Variants in ROBO2 observed in about 807,000 individuals in gnomAD.
The protein encoded by ROBO2 is roundabout homolog 2.
A neutral mutation model predicts 160.8 loss-of-function variants in ROBO2; 53 were observed. The observed-to-expected ratio is 0.33, with a 90% CI of 0.26 to 0.41. ROBO2 has a LOEUF of 0.41. Ranked by LOEUF, ROBO2 falls within the 10% of genes least tolerant of loss-of-function variation. ROBO2 has a pLI of 1.00. For synonymous variants in ROBO2, 664 were observed against 611.7 expected (o/e 1.09, Z -1.26); for missense variants, 1,577 against 1,722.4 (o/e 0.92, Z 1.49).
chr3:77,093,322 AT>A (rs1265214627), intron 1 of ROBO2, among the ~76,000 whole-genome samples: 1 of 152,108 alleles, frequency 6.6e-6, no homozygotes, highest in African/African-American at 2.4e-5. Context: ...GAGCTGTTTC[AT>A]GGCACTTCCT....
At chr3:77,021,625 T>C (rs1041909623) in intron 2 of ROBO2, among the ~76,000 whole-genome samples, 2 of 152,200 alleles carry the variant, frequency 1.3e-5, no homozygotes, top group Non-Finnish European at 2.9e-5. Flanking sequence ...CTTGTTTCAA[T>C]GTCCCTTCCA....
At chr3:77,231,379 A>G (rs1268779421) in intron 2 of ROBO2, among the ~76,000 whole-genome samples, 4 of 151,290 alleles carry the variant, frequency 2.6e-5, no homozygotes, top group African/African-American at 9.7e-5. Flanking sequence ...AAAAAAAAAA[A>G]AAAAAAGACA....
At chr3:76,367,560 G>A (rs558266320) in intron 2 of ROBO2, among the ~76,000 whole-genome samples, 3 of 151,878 alleles carry the variant, frequency 2.0e-5, no homozygotes, top group African/African-American at 7.2e-5. Flanking sequence ...CACACTCAAT[G>A]TTATTTAAGT....
intron 2 of ROBO2, among the ~76,000 whole-genome samples, chr3:76,703,858 T>C (rs1269358021): frequency 6.6e-6 from 1 of 152,172 alleles, no homozygotes; most frequent in Non-Finnish European, 1.5e-5. Context: ...GAATGATTTA[T>C]AATCCTTTGG....
At chr3:77,067,275 G>C (rs1288712875) in intron 1 of ROBO2, among the ~76,000 whole-genome samples, 1 of 152,168 alleles carries the variant, frequency 6.6e-6, no homozygotes, top group Non-Finnish European at 1.5e-5. Flanking sequence ...GTAATTTATA[G>C]TGAGTGAGCA....
At chr3:76,708,722 T>C (rs2093224092) in intron 2 of ROBO2, among the ~76,000 whole-genome samples, 1 of 152,156 alleles carries the variant, frequency 6.6e-6, no homozygotes, top group African/African-American at 2.4e-5. Context: ...AGTAATAAAA[T>C]TGTGTTCACG....
intron 2 of ROBO2, among the ~76,000 whole-genome samples, chr3:77,354,524 G>A (rs781698579): frequency 2.6e-5 from 4 of 152,076 alleles, no homozygotes; most frequent in Non-Finnish European, 5.9e-5. Flanking sequence ...GGCACCTCTG[G>A]GAAACCAAAG....
intron 24 of ROBO2, among the ~76,000 whole-genome samples, chr3:77,635,635 T>G (rs1052683163): frequency 5.3e-5 from 8 of 152,196 alleles, no homozygotes; most frequent in Admixed American, 1.3e-4. Flanking sequence ...TGTTGTACCT[T>G]TTTTGTTTAA....
Position 76,011,025 on chromosome 3 carries a change from TTTTATTG to T in ROBO2, c.109+73427_109+73433del, listed in dbSNP as rs1247106557. Among the ~76,000 whole-genome samples, 3 of 152,146 alleles carry T rather than the reference TTTTATTG, an allele frequency of 2.0e-5. No individual in the cohort carries two copies. In the East Asian group the frequency reaches 5.8e-4, roughly 29 times the overall value. ...CCAGATAGCTTAACTTCAAAATGCA[TTTTATTG>T]TTTTTTAACCTTGGGTTTCAAGATA... On this transcript the variant is annotated intron_variant, in intron 2 of 26. Coordinates refer to the ROBO2 transcript ENST00000487694.
At chr3:75,995,382 G>A (rs2065695894) in intron 2 of ROBO2, among the ~76,000 whole-genome samples, 1 of 152,162 alleles carries the variant, frequency 6.6e-6, no homozygotes, top group South Asian at 2.1e-4. Flanking sequence ...TTCAGAGGGT[G>A]CAAGCCCCAG....
intron 2 of ROBO2, among the ~76,000 whole-genome samples, chr3:76,727,710 G>A (rs2093575041): frequency 1.3e-5 from 2 of 152,118 alleles, no homozygotes. Context: ...GGGAGGTAGA[G>A]AGTAGAATGC....
chr3:77,466,648 G>A (rs558955327), intron 2 of ROBO2, among the ~76,000 whole-genome samples: 96 of 152,258 alleles, frequency 6.3e-4, no homozygotes, highest in Middle Eastern at 6.8e-3. Flanking sequence ...GGGTAGAGGG[G>A]AAAGAAAAGA....
intron 2 of ROBO2, among the ~76,000 whole-genome samples, chr3:76,654,746 C>T (rs1363558695): frequency 6.6e-6 from 1 of 151,666 alleles, no homozygotes; most frequent in Non-Finnish European, 1.5e-5. Context: ...TAGAGAATTA[C>T]CAGAGATCTA....
intron 2 of ROBO2, among the ~76,000 whole-genome samples, chr3:76,704,658 T>C (rs1233036510): frequency 2.0e-5 from 3 of 152,104 alleles, no homozygotes; most frequent in East Asian, 1.9e-4. Flanking sequence ...CTACTGCAGA[T>C]TGGGCTCTGC....
At chr3:77,061,197 C>G (rs1234521391) in intron 1 of ROBO2, among the ~76,000 whole-genome samples, 1 of 152,124 alleles carries the variant, frequency 6.6e-6, no homozygotes, top group East Asian at 1.9e-4. Flanking sequence ...CATGTACATA[C>G]AGACGGAAGC....
intron 1 of ROBO2, among the ~76,000 whole-genome samples, chr3:77,042,039 A>T (rs2064151315): frequency 6.6e-6 from 1 of 152,192 alleles, no homozygotes; most frequent in African/African-American, 2.4e-5. Context: ...AGCCCAATGT[A>T]TTGGACTCAA....
chr3:77,616,372 G>GT (rs1480343433), intron 21 of ROBO2, among the ~76,000 whole-genome samples: 3 of 95,164 alleles, frequency 3.2e-5, no homozygotes, highest in African/African-American at 1.3e-4. Context: ...GAGTTGGAAA[G>GT]GTTTTTTTTT....
chr3:77,488,397 C>A (rs890868923), intron 4 of ROBO2, among the ~76,000 whole-genome samples: 1 of 152,094 alleles, frequency 6.6e-6, no homozygotes, highest in African/African-American at 2.4e-5. Flanking sequence ...AGCAAACGAC[C>A]CTTGAGATTT....
At chr3:77,437,558 T>G (rs1204718511) in intron 2 of ROBO2, among the ~76,000 whole-genome samples, 2 of 152,092 alleles carry the variant, frequency 1.3e-5, no homozygotes, top group East Asian at 3.9e-4. Context: ...TTTAGTTTAT[T>G]TTTCTTATAG....
Sources: allele counts gnomAD v4.1 joint callset (sites outside exome capture counted in the v4.1 genomes callset), GRCh38; gene constraint gnomAD v4.1.1; transcripts MANE v1.5; gene names NCBI Gene and HGNC (gene_info 2026-07-23, HGNC 2026-07-21).